The following CLCN5 variants were observed in gnomAD, a reference collection of about 807,000 sequenced individuals.
CLCN5 encodes Cl-/H+ antiporter 5.
CLCN5 carries 17 observed loss-of-function variants against 54.0 expected under a neutral mutation model. The ratio of observed to expected loss-of-function variants is 0.31; its 90% confidence interval spans 0.22 to 0.47. CLCN5 has a LOEUF of 0.47. Ranked by LOEUF, CLCN5 falls within the 20% of genes least tolerant of loss-of-function variation. CLCN5 has a pLI of 1.00. For synonymous variants in CLCN5, 222 were observed against 233.0 expected (o/e 0.95, Z 0.43); for missense variants, 448 against 646.7 (o/e 0.69, Z 3.33).
At chrX:50,032,052 T>A (rs1463588131) in intron 3 of CLCN5, among the ~76,000 whole-genome samples, 1 of 110,080 alleles carries the variant, frequency 9.1e-6, no homozygotes, top group Admixed American at 9.6e-5. Flanking sequence ...CATGAACTCA[T>A]CATTTTTTAT....
chrX:49,968,991 T>C (rs1470287498), intron 3 of CLCN5, among the ~76,000 whole-genome samples: 1 of 111,607 alleles, frequency 9.0e-6, no homozygotes, highest in Admixed American at 9.5e-5. Flanking sequence ...ATTTTATTTT[T>C]TTTTCTTACT....
intron 4 of CLCN5, among the ~76,000 whole-genome samples, chrX:50,044,296 G>A (rs996719717): frequency 8.1e-5 from 9 of 111,744 alleles, no homozygotes; most frequent in African/African-American, 2.6e-4. Context: ...GTGTTTCTGC[G>A]AAGGACTGGA....
At chrX:50,048,683 G>T (rs942666205) in intron 4 of CLCN5, among the ~76,000 whole-genome samples, 1 of 110,454 alleles carries the variant, frequency 9.1e-6, no homozygotes, top group Admixed American at 9.6e-5. Flanking sequence ...TTATTTTTTG[G>T]CACTACAACA....
intron 3 of CLCN5, among the ~76,000 whole-genome samples, chrX:49,971,792 C>T (rs12009729): frequency 0.15 from 16,904 of 111,337 alleles, 3,157 homozygotes; most frequent in African/African-American, 0.53. Flanking sequence ...TAAGATTTAG[C>T]AGATTTTGTT....
chrX:50,042,373 C>T lies in CLCN5; in HGVS notation c.74C>T (p.Ser25Phe), dbSNP rs1557187281. ...AGTTTTAGTAGCTTCCAGAACAGCT[C>T]CAGTGATGAAGACCTGATGGACATT... ...QGSFSSFQNS[S>F]SDEDLMDIPA... Residue 25 changes from serine to phenylalanine, a missense_variant, in exon 4 of 15, where the codon TCC becomes TTC. Around this residue, in one of 5 missense-constraint regions of CLCN5, gnomAD observed 69 missense variants for 60.9 expected, o/e 1.13. Coordinates refer to ENST00000376091, the MANE Select transcript of CLCN5 (RefSeq NM_001127898.4). 1 of 1,175,005 alleles carries T rather than the reference C, an allele frequency of 8.5e-7. No individual in the cohort carries two copies. The highest frequency in any genetic ancestry group is 1.1e-6 in the Non-Finnish European group (1 of 875,467).
At chrX:50,010,491 C>A (rs189826434) in intron 3 of CLCN5, among the ~76,000 whole-genome samples, 10 of 111,896 alleles carry the variant, frequency 8.9e-5, no homozygotes, top group Non-Finnish European at 1.7e-4. Context: ...AGTCCACCAG[C>A]CTTAGCCTCC....
intron 3 of CLCN5, among the ~76,000 whole-genome samples, chrX:49,939,693 A>T (rs371738763): frequency 2.7e-4 from 30 of 110,982 alleles, no homozygotes; most frequent in African/African-American, 9.2e-4. Flanking sequence ...AATGTAAATG[A>T]TGAGTTAATG....
chrX:50,037,632 A>G (rs1932052582), intron 3 of CLCN5, among the ~76,000 whole-genome samples: 1 of 111,796 alleles, frequency 8.9e-6, no homozygotes, highest in South Asian at 3.8e-4. Flanking sequence ...TGAGGAAAAG[A>G]TAGGAGACTG....
At chrX:49,974,074 G>A (rs112046620) in intron 3 of CLCN5, among the ~76,000 whole-genome samples, 6,546 of 111,855 alleles carry the variant, frequency 0.059, 470 homozygotes, top group African/African-American at 0.2. Context: ...AGCATGTATC[G>A]GTACTTCATT....
chrX:49,977,115 C>T (rs1458825080), intron 3 of CLCN5, among the ~76,000 whole-genome samples: 1 of 110,450 alleles, frequency 9.1e-6, no homozygotes, highest in Non-Finnish European at 1.9e-5. Flanking sequence ...TTGGATTGTT[C>T]CTTTGGGTTG....
intron 4 of CLCN5, among the ~76,000 whole-genome samples, chrX:50,057,409 T>G (rs1232469510): frequency 1.3e-5 from 1 of 77,419 alleles, no homozygotes; most frequent in Non-Finnish European, 2.5e-5. Context: ...CTCTCCTGGA[T>G]AGATACTATC....
chrX:50,030,856 T>C (rs1931664343), intron 3 of CLCN5, among the ~76,000 whole-genome samples: 1 of 112,340 alleles, frequency 8.9e-6, no homozygotes, highest in Non-Finnish European at 1.9e-5. Context: ...AATTCCTTCT[T>C]ATATATAGCA....
At chrX:50,056,113 A>G (rs932399503) in intron 4 of CLCN5, among the ~76,000 whole-genome samples, 1 of 109,770 alleles carries the variant, frequency 9.1e-6, no homozygotes, top group Non-Finnish European at 1.9e-5. Flanking sequence ...CACAATTCCT[A>G]TGAATCCAAG....
At chrX:49,969,745 G>A (rs1557175980) in intron 3 of CLCN5, among the ~76,000 whole-genome samples, 1 of 112,080 alleles carries the variant, frequency 8.9e-6, no homozygotes, top group Non-Finnish European at 1.9e-5. Context: ...TTCTGCTGTT[G>A]TTGGGTGGTG....
chrX:49,965,108 A>G (rs1557175282), intron 3 of CLCN5, among the ~76,000 whole-genome samples: 2 of 111,499 alleles, frequency 1.8e-5, no homozygotes, highest in Non-Finnish European at 3.8e-5. Context: ...AGGTGAACAG[A>G]TGGTGTCACT....
At chrX:50,013,156 A>G (rs1448401686) in intron 3 of CLCN5, 4 of 247,670 alleles carry the variant, frequency 1.6e-5, no homozygotes, top group African/African-American at 1.2e-4. Flanking sequence ...CAATCAATCA[A>G]TCTCTCTCCT....
chrX:50,077,866 T>C (rs1295286372), intron 7 of CLCN5, among the ~76,000 whole-genome samples: 19 of 60,090 alleles, frequency 3.2e-4, no homozygotes, highest in African/African-American at 1.1e-3. Flanking sequence ...TATACACACA[T>C]ATATATATAA....
chrX:50,007,830 T>A (rs1468904240), intron 3 of CLCN5, among the ~76,000 whole-genome samples: 1 of 112,423 alleles, frequency 8.9e-6, no homozygotes, highest in Non-Finnish European at 1.9e-5. Flanking sequence ...CTTTAAATTG[T>A]CCTCATTCTT....
Position 50,086,703 on chromosome X carries a change from C to T in CLCN5, c.1390C>T (p.Leu464Phe). ...LISELFNDCG[L>F]LDSSKLCDYE... Reference sequence around the variant, plus strand: ...TTCTGAGCTGTTTAATGACTGTGGCCTTCTGGACTCCTCCAAGCTCTGTGA... The same window carrying T: ...TTCTGAGCTGTTTAATGACTGTGGCTTTCTGGACTCCTCCAAGCTCTGTGA... The change falls in exon 11 of 15, where the codon CTT (leucine) becomes TTT (phenylalanine). Residue 464 changes from leucine (L) to phenylalanine (F), a missense_variant. Around this residue, in one of 5 missense-constraint regions of CLCN5, gnomAD observed 297 missense variants for 470.4 expected, o/e 0.63. Transcript: ENST00000376091. 1 of 1,211,076 alleles carries T rather than the reference C, an allele frequency of 8.3e-7. No individual in the cohort carries two copies. Among genetic ancestry groups the T allele is most frequent in the Non-Finnish European group, 1.1e-6 (1 of 895,459 alleles).
Sources: allele counts gnomAD v4.1 joint callset (sites outside exome capture counted in the v4.1 genomes callset), GRCh38; gene constraint gnomAD v4.1.1; regional missense constraint gnomAD v4.1.1; transcripts MANE v1.5; gene names NCBI Gene and HGNC (gene_info 2026-07-23, HGNC 2026-07-21).